The following ADAMTS3 variants were observed in gnomAD, a reference collection of about 807,000 sequenced individuals.
The protein encoded by ADAMTS3 is A disintegrin and metalloproteinase with thrombospondin motifs 3.
In ADAMTS3, 73 loss-of-function variants were observed where a neutral mutation model predicts 129.0. The observed-to-expected ratio is 0.57, with a 90% CI of 0.47 to 0.69. The LOEUF is 0.69. Ranked by LOEUF, ADAMTS3 falls within the 30% of genes least tolerant of loss-of-function variation. ADAMTS3 has a pLI of 0.00. For synonymous variants in ADAMTS3, 477 were observed against 510.8 expected (o/e 0.93, Z 0.89); for missense variants, 1,457 against 1,514.5 (o/e 0.96, Z 0.63).
At chr4:72,356,260 T>C (rs1720578994) in intron 4 of ADAMTS3, among the ~76,000 whole-genome samples, 1 of 151,860 alleles carries the variant, frequency 6.6e-6, no homozygotes, top group African/African-American at 2.4e-5. Context: ...TTTCTAACAG[T>C]ATTGGAAGTG....
chr4:72,412,052 T>C (rs1722197012), intron 4 of ADAMTS3, among the ~76,000 whole-genome samples: 1 of 152,082 alleles, frequency 6.6e-6, no homozygotes, highest in South Asian at 2.1e-4. Context: ...CCAATTACTG[T>C]GACAACTAGC....
In ADAMTS3 at chr4:72,283,519, G is replaced by T; in HGVS notation, c.3235C>A (p.Leu1079Ile). Reference protein sequence around the residue: ...HDDVISNPSDLPRSLVMPTSL... With the variant: ...HDDVISNPSDIPRSLVMPTSL... ...GTAGGCATCACTAGAGATCTAGGGA[G>T]GTCACTAGGGTTAGAGATGACATCA... The change falls in exon 22 of 22, where the codon CTC (leucine) becomes ATC (isoleucine). Residue 1079 changes from leucine to isoleucine, a missense_variant. By Grantham distance (5) the Leu-to-Ile change is conservative (BLOSUM62 2). Coordinates refer to ENST00000286657, the MANE Select transcript of ADAMTS3 (RefSeq NM_014243.3). The T allele has an allele frequency of 5.0e-6, 8 of 1,614,060 alleles. No individual in the cohort carries two copies. The highest frequency in any genetic ancestry group is 6.8e-6 in the Non-Finnish European group (8 of 1,179,968).
intron 17 of ADAMTS3, among the ~76,000 whole-genome samples, chr4:72,299,985 GA>G (rs1258934364): frequency 6.6e-6 from 1 of 152,148 alleles, no homozygotes; most frequent in Non-Finnish European, 1.5e-5. Context: ...TGCAAAGAGA[GA>G]AATGTGCAAT....
At chr4:72,350,909 T>A (rs763631207) in intron 4 of ADAMTS3, among the ~76,000 whole-genome samples, 2 of 151,908 alleles carry the variant, frequency 1.3e-5, no homozygotes, top group Non-Finnish European at 2.9e-5. Flanking sequence ...TCTTTAGAGT[T>A]GTATCTCTGT....
chr4:72,314,114 CTT>C (rs1002519976), intron 11 of ADAMTS3, among the ~76,000 whole-genome samples: 2 of 152,102 alleles, frequency 1.3e-5, no homozygotes, highest in African/African-American at 4.8e-5. Flanking sequence ...AATAAGAACT[CTT>C]TGAGCACCCA....
rs531363458 is a variant in ADAMTS3, at chr4:72,325,165, C to T, written c.862-2068G>A. ...CTTCATATGGAAAAGGGGTTTGATTCATTGTATATATCTATAGAAAATAAA... is the reference window on the plus strand; with the variant it reads ...CTTCATATGGAAAAGGGGTTTGATTTATTGTATATATCTATAGAAAATAAA... On this transcript the variant is annotated intron_variant, in intron 5 of 21. Transcript: ENST00000286657. 2.6e-5 allele frequency among the ~76,000 whole-genome samples: 4 copies of T among 152,050 alleles called. No individual in the cohort carries two copies. In the East Asian group the frequency reaches 7.7e-4, roughly 29 times the overall value.
chr4:72,405,434 T>C (rs1336247237), intron 4 of ADAMTS3, among the ~76,000 whole-genome samples: 1 of 152,124 alleles, frequency 6.6e-6, no homozygotes, highest in African/African-American at 2.4e-5. Context: ...ATTCAGCTCC[T>C]GGATTCAAGT....
chr4:72,451,449 C>G (rs1718403508), intron 3 of ADAMTS3, among the ~76,000 whole-genome samples: 1 of 151,724 alleles, frequency 6.6e-6, no homozygotes, highest in African/African-American at 2.4e-5. Flanking sequence ...AAAGAAAATA[C>G]ATAAAATCTA....
chr4:72,414,949 T>C lies in ADAMTS3; in HGVS notation c.527A>G (p.Asn176Ser). ...CAAGGGTTCAATGAAATACTCTTCA[T>C]TATCACTTTTTATCATTCCAGCCTA... ...DGLAGMIKSD[N>S]EEYFIEPLER... The change falls in exon 4 of 22, where the codon AAT becomes AGT. Residue 176 changes from asparagine (N) to serine (S), a missense_variant. By Grantham distance (46) the Asn-to-Ser change is conservative. Coordinates refer to ENST00000286657, the MANE Select transcript of ADAMTS3 (RefSeq NM_014243.3). 1 of 1,538,942 alleles carries C rather than the reference T, an allele frequency of 6.5e-7. No homozygotes were observed. Among genetic ancestry groups the C allele is most frequent in the Non-Finnish European group, 8.7e-7 (1 of 1,148,780 alleles).
intron 3 of ADAMTS3, among the ~76,000 whole-genome samples, chr4:72,419,438 T>A (rs1722388456): frequency 6.6e-6 from 1 of 152,128 alleles, no homozygotes; most frequent in African/African-American, 2.4e-5. Flanking sequence ...AATATGGGAG[T>A]ATTGCTATAG....
chr4:72,404,879 G>A (rs1270635017), intron 4 of ADAMTS3, among the ~76,000 whole-genome samples: 2 of 149,706 alleles, frequency 1.3e-5, no homozygotes, highest in Admixed American at 6.6e-5. Flanking sequence ...AAAATAACTC[G>A]ATTAAAGAAT....
chr4:72,291,722 T>C (rs1718675070), intron 19 of ADAMTS3, among the ~76,000 whole-genome samples: 1 of 152,010 alleles, frequency 6.6e-6, no homozygotes, highest in Non-Finnish European at 1.5e-5. Flanking sequence ...CGTGTGCATG[T>C]GTCTTTATAG....
At chr4:72,417,342 G>A (rs950396460) in intron 3 of ADAMTS3, among the ~76,000 whole-genome samples, 11 of 152,280 alleles carry the variant, frequency 7.2e-5, no homozygotes, top group African/African-American at 2.4e-4. Context: ...AAAGTGATAG[G>A]GAGGGCAGTG....
In ADAMTS3 at chr4:72,309,407, G is replaced by A. The variant is rs1311396000; in HGVS notation, c.2169C>T (p.Pro723=). ...GAGACCTCATCTTACCAAGCTTCCT[G>A]GGAGTTCTGGTAAATGTCCCCTTCA... is the stretch of plus-strand genomic sequence containing the variant. ...RTVKGTFTRT[P]RKLGYLKMFD... is the part of the protein sequence containing the mutation. Residue 723 remains proline, a synonymous_variant, in exon 15 of 22, where the codon CCC becomes CCT. Coordinates refer to ENST00000286657, the MANE Select transcript of ADAMTS3 (RefSeq NM_014243.3). 18 of 1,611,550 alleles carry A rather than the reference G, an allele frequency of 1.1e-5. No homozygotes were observed. The highest frequency in any genetic ancestry group is 1.4e-5 in the Non-Finnish European group (17 of 1,178,266).
At chr4:72,408,013 C>G (rs369890984) in intron 4 of ADAMTS3, among the ~76,000 whole-genome samples, 1 of 151,986 alleles carries the variant, frequency 6.6e-6, no homozygotes, top group South Asian at 2.1e-4. Context: ...TTAGACCAGA[C>G]AGGTTACAGT....
At chr4:72,357,217 G>A (rs1720602590) in intron 4 of ADAMTS3, among the ~76,000 whole-genome samples, 1 of 151,814 alleles carries the variant, frequency 6.6e-6, no homozygotes, top group Non-Finnish European at 1.5e-5. Context: ...CATTAGCAAT[G>A]GAAGTTGAAA....
Position 72,282,987 on chromosome 4 carries a change from A to G in ADAMTS3, c.*149T>C. The G allele has an allele frequency of 4.7e-6, 3 of 642,040 alleles. No homozygotes were observed. The highest frequency in any genetic ancestry group is 7.8e-6 in the Non-Finnish European group (3 of 384,148). 39.8% of individuals were successfully genotyped at this position (642,040 alleles called of 1,614,324 possible). Reference sequence around the variant, plus strand: ...CAAAAGGAGGATGAAAGCAACTAGAAAGTGAGCCAGCACTTTCTGTTCTTC... The same window carrying G: ...CAAAAGGAGGATGAAAGCAACTAGAGAGTGAGCCAGCACTTTCTGTTCTTC... On this transcript the variant is annotated 3_prime_UTR_variant, in exon 22 of 22. Transcript: ENST00000286657.
At chr4:72,446,749 T>C (rs17724702) in intron 3 of ADAMTS3, among the ~76,000 whole-genome samples, 2,865 of 151,784 alleles carry the variant, frequency 0.019, 56 homozygotes, top group Admixed American at 0.032. Context: ...ATTAGACAAT[T>C]CACATACAAG....
rs115738806 is a variant in ADAMTS3, at chr4:72,482,961, A to G, written c.504+65517T>C. The stretch of plus-strand genomic sequence containing the variant: ...TTTAACAAGATTTAACATCTATAAA[A>G]GAGAATAACTATCAGCAAACTAAAA... On this transcript the variant is annotated intron_variant, in intron 3 of 21. Transcript: ENST00000286657. Among the ~76,000 whole-genome samples, 995 of 152,318 alleles carry G rather than the reference A, an allele frequency of 6.5e-3. 6 individuals are homozygous for G. Among genetic ancestry groups the G allele is most frequent in the African/African-American group, 0.023 (947 of 41,570 alleles).
Sources: allele counts gnomAD v4.1 joint callset (sites outside exome capture counted in the v4.1 genomes callset), GRCh38; gene constraint gnomAD v4.1.1; transcripts MANE v1.5; gene names NCBI Gene and HGNC (gene_info 2026-07-23, HGNC 2026-07-21).